Variants in NAALADL2 observed in about 807,000 individuals in gnomAD.
NAALADL2 encodes the protein inactive N-acetylated-alpha-linked acidic dipeptidase-like protein 2.
NAALADL2 carries 76 observed loss-of-function variants against 87.2 expected under a neutral mutation model. The ratio of observed to expected loss-of-function variants is 0.87; its 90% CI spans 0.72 to 1.05. The LOEUF is 1.05. Among genes scored for constraint, NAALADL2 ranks in the 50% least tolerant of loss-of-function variants. NAALADL2 has a pLI of 0.00. For synonymous variants in NAALADL2, 354 were observed against 331.0 expected (o/e 1.07, Z -0.75); for missense variants, 1,089 against 945.8 (o/e 1.15, Z -1.99).
intron 9 of NAALADL2, among the ~76,000 whole-genome samples, chr3:175,572,239 G>A (rs969788469): frequency 1.3e-5 from 2 of 152,092 alleles, no homozygotes; most frequent in South Asian, 2.1e-4. Flanking sequence ...CAAAAGTTAA[G>A]TGCTCCCAGC....
chr3:175,326,784 C>T (rs966055092), intron 5 of NAALADL2, among the ~76,000 whole-genome samples: 36 of 152,130 alleles, frequency 2.4e-4, no homozygotes, highest in African/African-American at 8.4e-4. Context: ...AATAACGCGC[C>T]TGCTCTCATG....
intron 2 of NAALADL2, among the ~76,000 whole-genome samples, chr3:175,131,322 T>A (rs1011047226): frequency 3.3e-5 from 5 of 152,108 alleles, no homozygotes; most frequent in Non-Finnish European, 7.4e-5. Flanking sequence ...TTTGTGTCCC[T>A]GGATACTTGA....
intron 13 of NAALADL2, among the ~76,000 whole-genome samples, chr3:175,764,910 A>G (rs1184560841): frequency 6.6e-6 from 1 of 152,122 alleles, no homozygotes; most frequent in Admixed American, 6.6e-5. Context: ...AAGTCCCAAA[A>G]GGACCTCATG....
intron 5 of NAALADL2, among the ~76,000 whole-genome samples, chr3:175,418,512 A>G (rs373741398): frequency 1.8e-3 from 269 of 152,272 alleles, no homozygotes; most frequent in African/African-American, 6.2e-3. Flanking sequence ...GAGATTGAAT[A>G]GGAAGTATAA....
At chr3:175,268,966 T>C (rs1752390482) in intron 4 of NAALADL2, among the ~76,000 whole-genome samples, 2 of 150,148 alleles carry the variant, frequency 1.3e-5, no homozygotes, top group Non-Finnish European at 3.0e-5. Flanking sequence ...TTTGAGACGG[T>C]CTCCCTCTGT....
intron 1 of NAALADL2, among the ~76,000 whole-genome samples, chr3:174,897,434 G>T (rs894917569): frequency 6.6e-6 from 1 of 150,468 alleles, no homozygotes; most frequent in Non-Finnish European, 1.5e-5. Flanking sequence ...TAACATCATT[G>T]ATCATTAGAG....
intron 9 of NAALADL2, among the ~76,000 whole-genome samples, chr3:175,557,161 C>T (rs1326655518): frequency 6.6e-6 from 1 of 152,222 alleles, no homozygotes; most frequent in Non-Finnish European, 1.5e-5. Flanking sequence ...TAAATAACTC[C>T]TATAAAATAT....
intron 1 of NAALADL2, among the ~76,000 whole-genome samples, chr3:174,495,583 A>C (rs2108358344): frequency 6.6e-6 from 1 of 151,522 alleles, no homozygotes; most frequent in Non-Finnish European, 1.5e-5. Context: ...CAAGGCTGCC[A>C]GAACACATAT....
chr3:175,421,325 C>A (rs1032668801), intron 5 of NAALADL2, among the ~76,000 whole-genome samples: 1 of 152,026 alleles, frequency 6.6e-6, no homozygotes, highest in Admixed American at 6.6e-5. Flanking sequence ...TACCTAGGAA[C>A]TTAATCAAAA....
intron 11 of NAALADL2, among the ~76,000 whole-genome samples, chr3:175,649,869 A>C (rs913750365): frequency 6.6e-6 from 1 of 152,114 alleles, no homozygotes; most frequent in African/African-American, 2.4e-5. Context: ...CATATTTACT[A>C]TTCATATCAA....
At chr3:174,839,811 T>A (rs1193691457) in intron 3 of NAALADL2, among the ~76,000 whole-genome samples, 3 of 151,276 alleles carry the variant, frequency 2.0e-5, no homozygotes, top group Non-Finnish European at 2.9e-5. Context: ...ACCTTACTCC[T>A]GAACGAATGG....
chr3:175,471,790 AT>A, intron 9 of NAALADL2, 32 bp downstream of exon 9: 1 of 1,551,960 alleles, frequency 6.4e-7, no homozygotes, highest in Non-Finnish European at 8.7e-7. Context: ...TCAAATGATT[AT>A]GCAAAACCGA....
At chr3:174,756,381 C>T (rs1712085297) in intron 3 of NAALADL2, among the ~76,000 whole-genome samples, 2 of 152,150 alleles carry the variant, frequency 1.3e-5, no homozygotes, top group South Asian at 4.1e-4. Context: ...CCTATATATT[C>T]TAGGCCAGGC....
rs1735742600 is a variant in NAALADL2, at chr3:175,682,622, AAG to A, written c.1897-54682_1897-54681del. 2.0e-5 allele frequency among the ~76,000 whole-genome samples: 3 copies of A among 152,066 alleles called. No homozygotes were observed. In the South Asian group the frequency reaches 6.2e-4, roughly 31 times the overall value. ...GTAGTGTTTGAAAATGTGACACAAA[AAG>A]AATTTAAAGGTGACATTTTTGAAAT... On this transcript the variant is annotated intron_variant, in intron 11 of 13. Transcript: ENST00000454872.
intron 2 of NAALADL2, chr3:175,124,626 G>A (rs1279930690): frequency 1.3e-5 from 2 of 151,962 alleles, no homozygotes; most frequent in Non-Finnish European, 2.9e-5. Context: ...ATGGAATTCA[G>A]CAAGAAAGTA....
At chr3:174,650,375 A>G (rs1724231914) in intron 2 of NAALADL2, among the ~76,000 whole-genome samples, 1 of 152,144 alleles carries the variant, frequency 6.6e-6, no homozygotes, top group African/African-American at 2.4e-5. Context: ...TCCACAGCTT[A>G]TGTAAGCATA....
At chr3:175,622,618 C>T (rs1726389467) in intron 10 of NAALADL2, among the ~76,000 whole-genome samples, 1 of 152,058 alleles carries the variant, frequency 6.6e-6, no homozygotes, top group Non-Finnish European at 1.5e-5. Flanking sequence ...CTAGCAGAAT[C>T]TAGTCAGATA....
Position 175,324,211 on chromosome 3 carries a change from C to T in NAALADL2, c.976C>T (p.Leu326Phe). 6.2e-7 allele frequency: 1 copy of T among 1,613,430 alleles called. No homozygotes were observed. The highest frequency in any genetic ancestry group is 1.7e-5 in the Admixed American group (1 of 59,940). The change falls in exon 5 of 14, where the codon CTT becomes TTT. Residue 326 changes from leucine to phenylalanine, a missense_variant. Coordinates refer to ENST00000454872, the MANE Select transcript of NAALADL2 (RefSeq NM_207015.3). ...GGAAAAGGCTGGATTTGGAGGTGTTCTTCTGTATATCGATCCTTGTGATTT... is the reference window on the plus strand; with the variant it reads ...GGAAAAGGCTGGATTTGGAGGTGTTTTTCTGTATATCGATCCTTGTGATTT... ...SLEKAGFGGV[L>F]LYIDPCDLPK...
intron 2 of NAALADL2, among the ~76,000 whole-genome samples, chr3:175,230,204 A>G (rs1412665109): frequency 6.6e-6 from 1 of 151,872 alleles, no homozygotes; most frequent in Non-Finnish European, 1.5e-5. Flanking sequence ...GTGAAAAACA[A>G]CTCCTTAAAT....
Sources: allele counts gnomAD v4.1 joint callset (sites outside exome capture counted in the v4.1 genomes callset), GRCh38; gene constraint gnomAD v4.1.1; transcripts MANE v1.5; gene names NCBI Gene and HGNC (gene_info 2026-07-23, HGNC 2026-07-21).